Variants in SEMA5A observed in about 807,000 individuals in gnomAD.
SEMA5A encodes semaphorin 5A, also known as semaphorin-5A.
In SEMA5A, 55 loss-of-function variants were observed where a neutral mutation model predicts 135.5. The ratio of observed to expected loss-of-function variants is 0.41; its 90% CI spans 0.33 to 0.51. The LOEUF (loss-of-function observed/expected upper bound fraction) is 0.51. Ranked by LOEUF, SEMA5A falls within the 20% of genes least tolerant of loss-of-function variation. The pLI, the probability that SEMA5A is intolerant of heterozygous loss-of-function variation, is 0.37. For missense variants in SEMA5A, 1,290 were observed against 1,419.9 expected, an observed-to-expected ratio of 0.91 and a Z score of 1.47; for synonymous variants, 580 against 546.5, an observed-to-expected ratio of 1.06 and a Z score of -0.85.
intron 3 of SEMA5A, among the ~76,000 whole-genome samples, chr5:9,371,582 A>T (rs1755137797): frequency 2.6e-5 from 4 of 152,224 alleles, no homozygotes; most frequent in Admixed American, 2.6e-4. Flanking sequence ...ATGTATCCCA[A>T]AATGCATTTT....
intron 3 of SEMA5A, among the ~76,000 whole-genome samples, chr5:9,349,635 C>A (rs1329590986): frequency 6.6e-6 from 1 of 152,128 alleles, no homozygotes; most frequent in Non-Finnish European, 1.5e-5. Flanking sequence ...CACGGTGGCT[C>A]ACGTCTGTAA....
intron 12 of SEMA5A, among the ~76,000 whole-genome samples, chr5:9,146,104 G>T (rs965234319): frequency 1.3e-5 from 2 of 152,106 alleles, no homozygotes; most frequent in Non-Finnish European, 2.9e-5. Flanking sequence ...GCAGTTTCAC[G>T]TGTTGATGGG....
chr5:9,214,258 G>A lies in SEMA5A; in HGVS notation c.646+10416C>T, dbSNP rs539636212. On this transcript the variant is annotated intron_variant, in intron 8 of 22. Coordinates refer to ENST00000382496, the MANE Select transcript of SEMA5A (RefSeq NM_003966.3). ...AAAACAGGCAGAGCCAGATCATAGC[G>A]GCCAGGCAAGAAGAAACAGGCAGAA... Among the ~76,000 whole-genome samples the A allele has an allele frequency of 1.2e-4, 19 of 152,256 alleles. No individual in the cohort carries two copies. In the South Asian group the frequency reaches 3.1e-3, roughly 25 times the overall value.
intron 10 of SEMA5A, among the ~76,000 whole-genome samples, chr5:9,196,671 C>T (rs1745403101): frequency 1.3e-5 from 2 of 152,160 alleles, no homozygotes; most frequent in Admixed American, 1.3e-4. Flanking sequence ...TTTGTGATAA[C>T]AGATGAAGGG....
At chr5:9,438,886 T>A (rs1035451151) in intron 1 of SEMA5A, among the ~76,000 whole-genome samples, 1 of 152,178 alleles carries the variant, frequency 6.6e-6, no homozygotes, top group African/African-American at 2.4e-5. Context: ...CGACAGCAGC[T>A]GGAAATTTAT....
intron 1 of SEMA5A, among the ~76,000 whole-genome samples, chr5:9,496,863 G>C (rs1187516532): frequency 1.3e-5 from 2 of 152,142 alleles, no homozygotes; most frequent in Non-Finnish European, 2.9e-5. Flanking sequence ...TCTTTTTAAA[G>C]CCCATAAAAC....
At chr5:9,434,586 G>A (rs1039133156) in intron 2 of SEMA5A, among the ~76,000 whole-genome samples, 3 of 151,992 alleles carry the variant, frequency 2.0e-5, no homozygotes, top group Non-Finnish European at 4.4e-5. Flanking sequence ...ACATGAACTT[G>A]TGCATAGAGA....
intron 2 of SEMA5A, among the ~76,000 whole-genome samples, chr5:9,399,608 G>A (rs1405136708): frequency 1.3e-5 from 2 of 152,228 alleles, no homozygotes; most frequent in East Asian, 3.9e-4. Flanking sequence ...TAAATTTTAT[G>A]ATATGTGATT....
chr5:9,307,781 A>G (rs957440693), intron 5 of SEMA5A, among the ~76,000 whole-genome samples: 4 of 152,190 alleles, frequency 2.6e-5, no homozygotes, highest in Non-Finnish European at 5.9e-5. Context: ...AATGCATTTT[A>G]GATAAATGAA....
chr5:9,254,312 C>G (rs1805985), intron 5 of SEMA5A, among the ~76,000 whole-genome samples: 2,245 of 152,154 alleles, frequency 0.015, 37 homozygotes, highest in Admixed American at 0.041. Flanking sequence ...ACTGTAAGAA[C>G]ACAGAGAGAA....
At chr5:9,263,016 C>A (rs1438312297) in intron 5 of SEMA5A, among the ~76,000 whole-genome samples, 1 of 144,028 alleles carries the variant, frequency 6.9e-6, no homozygotes, top group African/African-American at 2.6e-5. Flanking sequence ...AATGATTTGG[C>A]AAGCTAAATC....
chr5:9,348,088 TTCAAGGG>T (rs1275529902), intron 3 of SEMA5A, among the ~76,000 whole-genome samples: 1 of 152,156 alleles, frequency 6.6e-6, no homozygotes, highest in Non-Finnish European at 1.5e-5. Context: ...TTCCGAGTCA[TTCAAGGG>T]TTGCCTCAGA....
At chr5:9,134,629 T>G (rs982333665) in intron 13 of SEMA5A, among the ~76,000 whole-genome samples, 5 of 152,212 alleles carry the variant, frequency 3.3e-5, no homozygotes, top group Admixed American at 6.5e-5. Context: ...CCATTACAGA[T>G]AGTAATAATT....
chr5:9,167,218 T>C (rs541040799), intron 11 of SEMA5A, among the ~76,000 whole-genome samples: 33 of 152,362 alleles, frequency 2.2e-4, no homozygotes, highest in African/African-American at 7.5e-4. Context: ...TAGCTCGTTA[T>C]GAGCTTTCTT....
At chr5:9,192,705 C>G (rs1454788692) in intron 10 of SEMA5A, among the ~76,000 whole-genome samples, 2 of 152,158 alleles carry the variant, frequency 1.3e-5, no homozygotes, top group Non-Finnish European at 2.9e-5. Context: ...CTCTACTAGG[C>G]TTGATCTAAT....
intron 1 of SEMA5A, chr5:9,498,296 A>T (rs920795596): frequency 6.6e-6 from 1 of 152,150 alleles, no homozygotes; most frequent in Non-Finnish European, 1.5e-5. Context: ...ATATATTTGG[A>T]AGTATATCAT....
At chr5:9,441,119 A>ATG (rs1758216381) in intron 1 of SEMA5A, among the ~76,000 whole-genome samples, 2 of 152,212 alleles carry the variant, frequency 1.3e-5, no homozygotes, top group African/African-American at 4.8e-5. Context: ...GCACAGCCCC[A>ATG]TGGCCACACA....
chr5:9,514,809 A>G (rs1736416010), intron 1 of SEMA5A, among the ~76,000 whole-genome samples: 2 of 152,120 alleles, frequency 1.3e-5, no homozygotes, highest in South Asian at 4.1e-4. Flanking sequence ...GCAAATGAAA[A>G]TATGCTTGCT....
intron 8 of SEMA5A, among the ~76,000 whole-genome samples, chr5:9,218,452 G>A (rs562891973): frequency 1.3e-5 from 2 of 152,140 alleles, no homozygotes; most frequent in South Asian, 2.1e-4. Flanking sequence ...GCGTTTCATC[G>A]GTTTGTCCAA....
Sources: allele counts gnomAD v4.1 joint callset (sites outside exome capture counted in the v4.1 genomes callset), GRCh38; gene constraint gnomAD v4.1.1; transcripts MANE v1.5; gene names NCBI Gene and HGNC (gene_info 2026-07-23, HGNC 2026-07-21).